Variants in GLIS3 observed in about 807,000 individuals in gnomAD.
GLIS3 encodes the protein zinc finger protein GLIS3.
GLIS3 carries 53 observed loss-of-function variants against 78.6 expected under a neutral mutation model. That is an observed-to-expected ratio of 0.67 (90% CI 0.54 to 0.85). The LOEUF is 0.85. GLIS3 is among the 40% of genes least tolerant of loss of function. GLIS3 has a pLI of 0.00. For synonymous variants in GLIS3, 684 were observed against 509.9 expected (o/e 1.34, Z -4.60); for missense variants, 1,703 against 1,231.1 (o/e 1.38, Z -5.74).
At chr9:4,453,345 CA>C in the GLIS3 span, among the ~76,000 whole-genome samples, 1,277 of 91,576 alleles carry the variant, frequency 0.014, 11 homozygotes, top group African/African-American at 0.043. Flanking sequence ...TTCTGCACAG[CA>C]AAAAAAAAAA....
intron 2 of GLIS3, among the ~76,000 whole-genome samples, chr9:4,331,478 C>T (rs1817685230): frequency 3.9e-5 from 6 of 152,168 alleles, no homozygotes; most frequent in Admixed American, 3.9e-4. Context: ...CCCAAGCTAC[C>T]ATCACTCAAC....
At chr9:4,336,922 A>G (rs1334094726) in intron 2 of GLIS3, among the ~76,000 whole-genome samples, 1 of 152,250 alleles carries the variant, frequency 6.6e-6, no homozygotes, top group African/African-American at 2.4e-5. Flanking sequence ...CTAACTCACT[A>G]AATTCCAAGA....
At chr9:4,372,022 T>A in the GLIS3 span, among the ~76,000 whole-genome samples, 2 of 152,152 alleles carry the variant, frequency 1.3e-5, no homozygotes, top group Non-Finnish European at 2.9e-5. Context: ...ATAGGTCTGG[T>A]CTTGGGTCTT....
chr9:4,009,754 C>T (rs578233537), intron 4 of GLIS3, among the ~76,000 whole-genome samples: 2 of 152,332 alleles, frequency 1.3e-5, no homozygotes, highest in East Asian at 3.9e-4. Flanking sequence ...GATCTGACAG[C>T]CTCAGGCACA....
chr9:3,951,382 T>C (rs1387389997), intron 4 of GLIS3, among the ~76,000 whole-genome samples: 3 of 151,850 alleles, frequency 2.0e-5, no homozygotes, highest in African/African-American at 7.3e-5. Flanking sequence ...AGAAAGCTTT[T>C]TGTAAATTAA....
At position 4,125,932 on chromosome 9, in the gene GLIS3, C is replaced by A. The variant is rs771080075; in HGVS notation, c.398G>T (p.Gly133Val). The A allele has an allele frequency of 6.2e-7, 1 of 1,613,688 alleles. No individual in the cohort carries two copies. The highest frequency in any genetic ancestry group is 8.5e-7 in the Non-Finnish European group (1 of 1,179,708). ...FPPNPGKGAL[G>V]FGPQCKSIGK... ...AATGGACTTGCACTGAGGCCCAAAG[C>A]CAAGAGCCCCTAAAAACAAATGAAT... Residue 133 changes from glycine (G) to valine (V), a missense_variant, in exon 3 of 11, where the codon GGC becomes GTC. Transcript: ENST00000381971.
In GLIS3 at chr9:4,225,701, C is replaced by A. The variant is rs1171437782; in HGVS notation, c.388+60337G>T. ...AAGGGAAAGAATCATGAAGTTCAAA[C>A]CATATTAATTTCCAAGTCATTGACA... On this transcript the variant is annotated intron_variant, in intron 2 of 10. Transcript: ENST00000381971. Among the ~76,000 whole-genome samples, 6 of 152,134 alleles carry A rather than the reference C, an allele frequency of 3.9e-5. No homozygotes were observed. The South Asian group carries it at 6.2e-4, about 16-fold the overall frequency.
intron 4 of GLIS3, among the ~76,000 whole-genome samples, chr9:4,072,563 T>A (rs1827703748): frequency 6.6e-6 from 1 of 152,214 alleles, no homozygotes; most frequent in African/African-American, 2.4e-5. Flanking sequence ...TAGTCATTAT[T>A]GAGCTATCAG....
the GLIS3 span, among the ~76,000 whole-genome samples, chr9:4,410,055 C>T: frequency 6.6e-6 from 1 of 152,170 alleles, no homozygotes; most frequent in East Asian, 1.9e-4. Flanking sequence ...ACTGCAAACT[C>T]TGCCTCCCAG....
At chr9:3,916,089 A>G (rs535034966) in intron 6 of GLIS3, among the ~76,000 whole-genome samples, 1 of 152,230 alleles carries the variant, frequency 6.6e-6, no homozygotes, top group Non-Finnish European at 1.5e-5. Flanking sequence ...AGGAATAATA[A>G]TCAATCCTTC....
At chr9:3,881,850 A>C (rs1015809766) in intron 7 of GLIS3, among the ~76,000 whole-genome samples, 1 of 152,234 alleles carries the variant, frequency 6.6e-6, no homozygotes, top group Non-Finnish European at 1.5e-5. Flanking sequence ...ATTAGTATAA[A>C]TCATTGGACA....
chr9:3,993,723 G>A (rs1011400220), intron 4 of GLIS3, among the ~76,000 whole-genome samples: 14 of 152,114 alleles, frequency 9.2e-5, no homozygotes, highest in Admixed American at 9.2e-4. Flanking sequence ...ATTAAATAAT[G>A]TTGATGATTG....
At chr9:3,857,830 T>C (rs1409912449) in intron 8 of GLIS3, among the ~76,000 whole-genome samples, 1 of 152,216 alleles carries the variant, frequency 6.6e-6, no homozygotes, top group African/African-American at 2.4e-5. Flanking sequence ...GAACATCTAG[T>C]AAAACTCATT....
chr9:4,462,303 T>C, the GLIS3 span, among the ~76,000 whole-genome samples: 5,430 of 152,256 alleles, frequency 0.036, 308 homozygotes, highest in African/African-American at 0.12. Context: ...GAAATTCTTA[T>C]AGCAACTTGA....
At chr9:4,206,880 CA>C (rs1819927433) in intron 2 of GLIS3, among the ~76,000 whole-genome samples, 1 of 150,980 alleles carries the variant, frequency 6.6e-6, no homozygotes, top group Non-Finnish European at 1.5e-5. Flanking sequence ...AGATACTTGG[CA>C]TATCGCGCTG....
intron 2 of GLIS3, among the ~76,000 whole-genome samples, chr9:4,212,573 G>C (rs949177186): frequency 6.6e-6 from 1 of 152,210 alleles, no homozygotes; most frequent in African/African-American, 2.4e-5. Flanking sequence ...TGGCACACAG[G>C]TGGCGCCTCT....
intron 4 of GLIS3, among the ~76,000 whole-genome samples, chr9:3,969,408 G>T (rs1818207238): frequency 6.6e-6 from 1 of 152,198 alleles, no homozygotes; most frequent in Non-Finnish European, 1.5e-5. Context: ...GAGGTCTGCG[G>T]AAAGGATTTA....
intron 2 of GLIS3, among the ~76,000 whole-genome samples, chr9:4,267,619 T>A (rs1259179965): frequency 6.6e-6 from 1 of 152,218 alleles, no homozygotes; most frequent in Admixed American, 6.5e-5. Flanking sequence ...TTAGGAAACT[T>A]TGCTAACTCA....
At chr9:4,308,628 G>A (rs1369852742) in intron 4 of GLIS3, 1 of 152,822 alleles carries the variant, frequency 6.5e-6, no homozygotes, top group Non-Finnish European at 1.5e-5. Flanking sequence ...AGGGAAACTT[G>A]CCAGGCCCCA....
Sources: gnomAD v4.1 joint callset for allele counts (sites outside exome capture counted in the v4.1 genomes callset) on GRCh38, gnomAD v4.1.1 for gene constraint, MANE v1.5 for transcripts, NCBI Gene and HGNC (gene_info 2026-07-23, HGNC 2026-07-21) for gene names.